Variants in COL15A1 observed in about 807,000 individuals in gnomAD.
COL15A1 encodes collagen type XV alpha 1 chain.
COL15A1 carries 111 observed loss-of-function variants against 165.9 expected under a neutral mutation model. The observed-to-expected ratio is 0.67, with a 90% confidence interval of 0.57 to 0.78. COL15A1 has a LOEUF of 0.78. Among genes scored for constraint, COL15A1 ranks in the 30% least tolerant of loss-of-function variants. The pLI is 0.00. For missense variants in COL15A1, 1,745 were observed against 1,789.7 expected, an observed-to-expected ratio of 0.98 and a Z score of 0.45; for synonymous variants, 659 against 674.8, an observed-to-expected ratio of 0.98 and a Z score of 0.36.
rs369198993 is a variant in COL15A1, at chr9:99,023,348, T to G, written c.1762-9T>G. The G allele has an allele frequency of 2.0e-5, 32 of 1,589,608 alleles. No homozygotes were observed. In the South Asian group the frequency reaches 3.6e-4, roughly 18 times the overall value. On this transcript the variant is annotated splice_polypyrimidine_tract_variant and intron_variant, in intron 13 of 41. Coordinates refer to ENST00000375001, the MANE Select transcript of COL15A1 (RefSeq NM_001855.5). ...AAATGCAAGTAGTGGAAATTTCTTC[T>G]CTTTCCAGGCAGGAGCAGAAGCAGA...
At chr9:99,062,384 C>T (rs1434844949) in intron 38 of COL15A1, 80 bp downstream of exon 38, 1 of 1,018,452 alleles carries the variant, frequency 9.8e-7, no homozygotes, top group Non-Finnish European at 1.6e-6. Flanking sequence ...TAGCACCAAG[C>T]TCTCCAAACT....
chr9:99,066,053 G>A (rs1825886279), intron 39 of COL15A1, among the ~76,000 whole-genome samples: 1 of 152,012 alleles, frequency 6.6e-6, no homozygotes, highest in South Asian at 2.1e-4. Flanking sequence ...TTGGTAACTT[G>A]GACCCAGGTC....
chr9:98,996,958 A>G lies in COL15A1; in HGVS notation c.829A>G (p.Ile277Val). The change falls in exon 6 of 42, where the codon ATA becomes GTA. Residue 277 changes from isoleucine (I) to valine (V), a missense_variant. By Grantham distance (29) the Ile-to-Val change is conservative (BLOSUM62 3). Coordinates refer to ENST00000375001, the MANE Select transcript of COL15A1 (RefSeq NM_001855.5). ...ASPKEAKVEP[I>V]NTPPTPSSPF... is the part of the protein sequence containing the mutation. ...GCCCAAAGAAGCAAAAGTTGAACCCATAAACACACCTCCAACTCCATCCTC... is the reference window on the plus strand; with the variant it reads ...GCCCAAAGAAGCAAAAGTTGAACCCGTAAACACACCTCCAACTCCATCCTC... The G allele has an allele frequency of 6.2e-7, 1 of 1,614,190 alleles. No homozygotes were observed. The highest frequency in any genetic ancestry group is 8.5e-7 in the Non-Finnish European group (1 of 1,180,022).
intron 2 of COL15A1, among the ~76,000 whole-genome samples, chr9:98,968,710 T>C (rs984044582): frequency 5.3e-5 from 8 of 152,340 alleles, no homozygotes; most frequent in African/African-American, 1.9e-4. Flanking sequence ...CGGTCACCAC[T>C]GAACCCACTT....
intron 11 of COL15A1, among the ~76,000 whole-genome samples, chr9:99,017,784 C>T (rs1838961574): frequency 6.6e-6 from 1 of 152,174 alleles, no homozygotes; most frequent in African/African-American, 2.4e-5. Flanking sequence ...CCACATCGGG[C>T]ACAGATAGAG....
chr9:99,020,996 G>C (rs1164609771), intron 12 of COL15A1, among the ~76,000 whole-genome samples: 1 of 152,224 alleles, frequency 6.6e-6, no homozygotes, highest in Non-Finnish European at 1.5e-5. Context: ...GCTTTAGCTG[G>C]TGTCAGTCAC....
At chr9:99,053,563 C>G (rs1374667350) in intron 31 of COL15A1, among the ~76,000 whole-genome samples, 1 of 152,224 alleles carries the variant, frequency 6.6e-6, no homozygotes, top group Non-Finnish European at 1.5e-5. Flanking sequence ...TACTACTGCT[C>G]CGGTTGGTGC....
chr9:99,060,963 T>C (rs1195926297), intron 36 of COL15A1, among the ~76,000 whole-genome samples: 1 of 152,230 alleles, frequency 6.6e-6, no homozygotes, highest in Non-Finnish European at 1.5e-5. Context: ...TCAGATTTAC[T>C]TGGATAATTC....
intron 9 of COL15A1, among the ~76,000 whole-genome samples, chr9:99,009,584 T>C (rs1383828064): frequency 1.3e-5 from 2 of 152,176 alleles, no homozygotes; most frequent in Admixed American, 1.3e-4. Context: ...TTTGGAAATT[T>C]TGTCAAATAT....
At chr9:99,012,226 C>T (rs10988550) in intron 9 of COL15A1, among the ~76,000 whole-genome samples, 1,905 of 152,294 alleles carry the variant, frequency 0.013, 16 homozygotes, top group Non-Finnish European at 0.02. Flanking sequence ...TTGGGTTTAT[C>T]ATTTAATTTA....
chr9:98,992,660 G>T (rs117126652), intron 5 of COL15A1, among the ~76,000 whole-genome samples: 1 of 152,256 alleles, frequency 6.6e-6, no homozygotes, highest in Non-Finnish European at 1.5e-5. Flanking sequence ...GTCAATTCTC[G>T]CTATTGTATG....
Position 98,960,367 on chromosome 9 carries a change from G to A in COL15A1, c.100+16117G>A, listed in dbSNP as rs576566030. Among the ~76,000 whole-genome samples, 6 of 152,076 alleles carry A rather than the reference G, an allele frequency of 3.9e-5. No individual in the cohort carries two copies. In the East Asian group the frequency reaches 5.8e-4, roughly 15 times the overall value. On this transcript the variant is annotated intron_variant, in intron 2 of 41. Coordinates refer to ENST00000375001, the MANE Select transcript of COL15A1 (RefSeq NM_001855.5). ...GTGAGCCGAGGTCACACCACTGAAC[G>A]AACCCCAGCCTGGGTGACAAAGGGA...
chr9:99,053,468 C>G (rs1825659895), intron 31 of COL15A1, among the ~76,000 whole-genome samples: 1 of 152,240 alleles, frequency 6.6e-6, no homozygotes, highest in African/African-American at 2.4e-5. Context: ...TCCCTGTGAG[C>G]CTCCCCTGGA....
chr9:99,060,563 C>T (rs1412760581), intron 36 of COL15A1, among the ~76,000 whole-genome samples: 2 of 151,716 alleles, frequency 1.3e-5, no homozygotes, highest in Non-Finnish European at 2.9e-5. Context: ...CGAGCCACCA[C>T]GCCTGGCCAC....
At position 99,011,785 on chromosome 9, in the gene COL15A1, T is replaced by G. The variant is rs191468779; in HGVS notation, c.1354-3632T>G. 8.3e-4 allele frequency among the ~76,000 whole-genome samples: 126 copies of G among 152,310 alleles called. 1 individual carries two copies. Among genetic ancestry groups the G allele is most frequent in the African/African-American group, 2.9e-3 (120 of 41,572 alleles). ...ATCCCATTACATTTACCTAATTATT[T>G]TTAATACTGTACCTAGATTACTGTA... On this transcript the variant is annotated intron_variant, in intron 9 of 41. Transcript: ENST00000375001.
At position 99,022,285 on chromosome 9, in the gene COL15A1, A is replaced by G. The variant is rs1839041043; in HGVS notation, c.1761+135A>G. ...TCAGACCCTAGGGCTTTCTGCCTCT[A>G]CTAGGACTCTGCAGTGTGCAGCAGC... On this transcript the variant is annotated intron_variant, in intron 13 of 41. Transcript: ENST00000375001. The G allele has an allele frequency of 4.9e-6, 5 of 1,024,106 alleles. No homozygotes were observed. In the South Asian group the frequency reaches 5.6e-5, roughly 11 times the overall value. 63.4% of individuals were successfully genotyped at this position (1,024,106 alleles called of 1,614,324 possible). A position where few individuals can be genotyped will look rare whatever the true frequency, so the allele number is the denominator to read the frequency against.
In COL15A1 at chr9:99,015,457, C is replaced by T; in HGVS notation, c.1394C>T (p.Ala465Val). Reference sequence around the variant, plus strand: ...GACAGTTTAACAACAGCTGCAGCTGCAACCGAAGTGTCCCTCAGTACTTTT... The same window carrying T: ...GACAGTTTAACAACAGCTGCAGCTGTAACCGAAGTGTCCCTCAGTACTTTT... ...SEDSLTTAAA[A>V]TEVSLSTFED... Residue 465 changes from alanine to valine, a missense_variant, in exon 10 of 42, where the codon GCA (alanine) becomes GTA (valine). Transcript: ENST00000375001. 6.2e-7 allele frequency: 1 copy of T among 1,606,956 alleles called. No individual in the cohort carries two copies. Among genetic ancestry groups the T allele is most frequent in the Non-Finnish European group, 8.5e-7 (1 of 1,174,168 alleles).
chr9:99,007,028 C>T (rs1838774093), intron 9 of COL15A1, among the ~76,000 whole-genome samples: 1 of 152,208 alleles, frequency 6.6e-6, no homozygotes, highest in Admixed American at 6.5e-5. Flanking sequence ...AGACATGAGA[C>T]ATCAATCAAT....
chr9:99,048,126 G>A, intron 28 of COL15A1, 126 bp downstream of exon 28: 1 of 718,516 alleles, frequency 1.4e-6, no homozygotes, highest in Non-Finnish European at 2.5e-6. Flanking sequence ...CACTGCCACT[G>A]CCAAAGGTCC....
Sources: gnomAD v4.1 joint callset for allele counts (sites outside exome capture counted in the v4.1 genomes callset) on GRCh38, gnomAD v4.1.1 for gene constraint, MANE v1.5 for transcripts, NCBI Gene and HGNC (gene_info 2026-07-23, HGNC 2026-07-21) for gene names.